Variants in PKD1L3 observed in about 807,000 individuals in gnomAD.
PKD1L3 encodes the protein polycystin 1 like 3, transient receptor potential channel interacting.
Under a neutral mutation model 184.1 loss-of-function variants are expected in PKD1L3, and 239 were observed. The ratio of observed to expected loss-of-function variants is 1.30; its 90% CI spans 1.17 to 1.45. The LOEUF (loss-of-function observed/expected upper bound fraction) is 1.45, where lower values mean the gene tolerates loss of function less well. Ranked by LOEUF, PKD1L3 falls within the 40% of genes most tolerant of loss-of-function variation. PKD1L3 has a pLI of 0.00. For missense variants in PKD1L3, 2,660 were observed against 2,067.2 expected (o/e 1.29, Z -5.56); for synonymous variants, 996 against 778.8 (o/e 1.28, Z -4.64).
At chr16:71,986,071 C>T (rs773350491) in intron 5 of PKD1L3, 150 bp downstream of exon 5, 175 of 1,031,652 alleles carry the variant, frequency 1.7e-4, no homozygotes, top group Admixed American at 3.6e-4. Flanking sequence ...TTGGCTGTTT[C>T]CATGGACTTG....
intron 22 of PKD1L3, 71 bp from the exon 23 acceptor site, chr16:71,944,241 C>T (rs1433782607): frequency 7.3e-7 from 1 of 1,377,678 alleles, no homozygotes; most frequent in East Asian, 2.5e-5. Flanking sequence ...ATTCATTGAG[C>T]ATCTACTGTG....
chr16:71,993,272 T>C lies in PKD1L3; in HGVS notation c.479A>G (p.Gln160Arg). The C allele has an allele frequency of 2.6e-6, 4 of 1,550,792 alleles. No homozygotes were observed. Among genetic ancestry groups the C allele is most frequent in the Non-Finnish European group, 3.5e-6 (4 of 1,146,762 alleles). ...TCCTCTTTTTGTCTTCTTGTGTCTC[T>C]GGTACAAATGGGAATTATTTCCATT... ...ERNGNNSHLY[Q>R]RHKKTKRGVA... The change falls in exon 3 of 30, where the codon CAG becomes CGG. Residue 160 changes from glutamine (Q) to arginine (R), a missense_variant. By Grantham distance (43) the Gln-to-Arg change is conservative (BLOSUM62 1). Coordinates refer to ENST00000620267, the MANE Select transcript of PKD1L3 (RefSeq NM_181536.2).
chr16:71,964,835 C>CTA (rs1221699351), intron 15 of PKD1L3, among the ~76,000 whole-genome samples: 12 of 148,186 alleles, frequency 8.1e-5, no homozygotes, highest in African/African-American at 7.4e-5. Flanking sequence ...TATGCTCTCT[C>CTA]TCTATATATA....
intron 7 of PKD1L3, 130 bp downstream of exon 7, chr16:71,981,929 G>A: frequency 9.8e-7 from 1 of 1,017,800 alleles, no homozygotes. Context: ...GCATGGCAGA[G>A]GAGTTTCTTC....
chr16:71,944,803 A>T (rs2038503973), intron 22 of PKD1L3, among the ~76,000 whole-genome samples: 1 of 150,174 alleles, frequency 6.7e-6, no homozygotes, highest in African/African-American at 2.5e-5. Context: ...GATTCAAGCG[A>T]TTCTCTTGCC....
intron 7 of PKD1L3, among the ~76,000 whole-genome samples, chr16:71,981,722 G>C (rs1249578353): frequency 6.6e-6 from 1 of 151,968 alleles, no homozygotes; most frequent in Non-Finnish European, 1.5e-5. Context: ...TGTATTTTTA[G>C]TAGAGATGCA....
chr16:71,945,361 T>C, intron 22 of PKD1L3, among the ~76,000 whole-genome samples: 1 of 84,338 alleles, frequency 1.2e-5, no homozygotes, highest in Non-Finnish European at 2.4e-5. Context: ...TATATGTATT[T>C]ATATACACAC....
At chr16:71,983,145 GT>G (rs1021439563) in intron 6 of PKD1L3, among the ~76,000 whole-genome samples, 3 of 151,986 alleles carry the variant, frequency 2.0e-5, no homozygotes, top group African/African-American at 2.4e-5. Context: ...CCAATGCTGA[GT>G]TTTTTGTCTT....
At chr16:71,979,046 G>T (rs1351424472) in intron 9 of PKD1L3, among the ~76,000 whole-genome samples, 1 of 152,182 alleles carries the variant, frequency 6.6e-6, no homozygotes, top group African/African-American at 2.4e-5. Flanking sequence ...AGGCAACAAT[G>T]CTACTTGTAT....
chr16:71,999,961 T>G lies in PKD1L3; in HGVS notation c.18A>C (p.Gly6=). 6.6e-7 allele frequency: 1 copy of G among 1,525,068 alleles called. No individual in the cohort carries two copies. The highest frequency in any genetic ancestry group is 8.9e-7 in the Non-Finnish European group (1 of 1,128,588). The allele number at this position is 1,525,068 out of a possible 1,614,324, so 94.5% of individuals were successfully genotyped here. ...TTCTGATGTATAACCAAAGCCAGCT[T>G]CCTCCTTTGAAGAACATTTTCTCTG... The part of the protein sequence containing the change: MFFKG[G]SWLWLYIRTS... Residue 6 remains glycine, a synonymous_variant, in exon 1 of 30, where the codon GGA becomes GGC. Transcript: ENST00000620267.
chr16:71,965,094 C>T (rs1204899969), intron 15 of PKD1L3, among the ~76,000 whole-genome samples: 1 of 152,002 alleles, frequency 6.6e-6, no homozygotes, highest in Non-Finnish European at 1.5e-5. Flanking sequence ...GTGATCTAAC[C>T]ACCTTGGCCC....
chr16:71,939,488 T>G (rs372141148), intron 24 of PKD1L3, among the ~76,000 whole-genome samples: 2 of 152,236 alleles, frequency 1.3e-5, no homozygotes, highest in South Asian at 2.1e-4. Flanking sequence ...GTACCCCTTG[T>G]AGGTAAAAAA....
chr16:71,971,072 A>G (rs947985090), intron 12 of PKD1L3, among the ~76,000 whole-genome samples: 4 of 152,150 alleles, frequency 2.6e-5, no homozygotes, highest in African/African-American at 9.7e-5. Flanking sequence ...CACGTAGAAG[A>G]CACTCAATAA....
At chr16:71,966,591 G>A (rs1030703377) in intron 15 of PKD1L3, among the ~76,000 whole-genome samples, 7 of 151,922 alleles carry the variant, frequency 4.6e-5, no homozygotes, top group African/African-American at 1.7e-4. Flanking sequence ...CATGCCTGGC[G>A]ATTTTTTTTG....
chr16:71,935,368 C>A lies in PKD1L3; in HGVS notation c.4603G>T (p.Asp1535Tyr). 1 of 1,551,418 alleles carries A rather than the reference C, an allele frequency of 6.4e-7. No individual in the cohort carries two copies. The highest frequency in any genetic ancestry group is 1.2e-5 in the South Asian group (1 of 83,956). Residue 1535 changes from aspartate to tyrosine, a missense_variant, in exon 26 of 30, where the codon GAC (aspartate) becomes TAC (tyrosine). Transcript: ENST00000620267. ...HKKNMARYRD[D>Y]QDRFISFYEA... ...CAGGCTTCCTCTCACCTGTCCTGGT[C>A]ATCGCGGTATCGTGCCATGTTTTTC...
chr16:71,949,359 T>C (rs2038741067), intron 21 of PKD1L3, among the ~76,000 whole-genome samples: 1 of 151,034 alleles, frequency 6.6e-6, no homozygotes, highest in African/African-American at 2.4e-5. Flanking sequence ...TTTTTTTTTT[T>C]TTTTTAGTTT....
intron 22 of PKD1L3, among the ~76,000 whole-genome samples, chr16:71,946,012 A>G (rs1211626307): frequency 2.0e-5 from 3 of 152,268 alleles, no homozygotes; most frequent in African/African-American, 4.8e-5. Flanking sequence ...AGGCTGGAGT[A>G]CGATGGCACG....
In PKD1L3 at chr16:71,954,150, T is replaced by G. The variant is rs1461788357; in HGVS notation, c.2764A>C (p.Met922Leu). ...LLLCNMVINV[M>L]FWKINSTTAK... is the part of the protein sequence containing the mutation. ...GTGGTGCTGTTTATCTTCCAGAACA[T>G]AACATTGATGACCATGTTGCAGAGT... Residue 922 changes from methionine to leucine, a missense_variant, in exon 17 of 30, where the codon ATG becomes CTG. Coordinates refer to ENST00000620267, the MANE Select transcript of PKD1L3 (RefSeq NM_181536.2). 1 of 1,550,908 alleles carries G rather than the reference T, an allele frequency of 6.4e-7. No homozygotes were observed. Among genetic ancestry groups the G allele is most frequent in the Non-Finnish European group, 8.7e-7 (1 of 1,146,618 alleles).
At position 71,979,837 on chromosome 16, in the gene PKD1L3, C is replaced by A; in HGVS notation, c.1347G>T (p.Ser449=). 1.3e-6 allele frequency: 2 copies of A among 1,517,996 alleles called. No individual in the cohort carries two copies. The highest frequency in any genetic ancestry group is 1.8e-6 in the Non-Finnish European group (2 of 1,138,798). 94.0% of individuals were successfully genotyped at this position (1,517,996 alleles called of 1,614,324 possible). The change falls in exon 9 of 30, where the codon TCG becomes TCT. Residue 449 remains serine, a synonymous_variant. Coordinates refer to ENST00000620267, the MANE Select transcript of PKD1L3 (RefSeq NM_181536.2). ...HPAPVRLGFP[S]ALALKELLNK... ...TCAAGAGCTCCTTCAAAGCTAAAGC[C>A]GACGGAAAGCCTAGCCTCACAGGGG...
Sources: gnomAD v4.1 joint callset for allele counts (sites outside exome capture counted in the v4.1 genomes callset) on GRCh38, gnomAD v4.1.1 for gene constraint, MANE v1.5 for transcripts, NCBI Gene and HGNC (gene_info 2026-07-23, HGNC 2026-07-21) for gene names.